The following SPOCK3 variants were observed in gnomAD, a reference collection of about 807,000 sequenced individuals.
SPOCK3 encodes the protein testican-3.
SPOCK3 carries 30 observed loss-of-function variants against 56.6 expected under a neutral mutation model. The observed-to-expected ratio is 0.53, with a 90% CI of 0.40 to 0.72. The LOEUF (loss-of-function observed/expected upper bound fraction) is 0.72. SPOCK3 is among the 30% of genes least tolerant of loss of function. The probability of loss-of-function intolerance (pLI) is 0.00; values close to 1 mark genes in which losing one functional copy is unlikely to be tolerated. For missense variants in SPOCK3, 527 were observed against 530.0 expected (o/e 0.99, Z 0.06); for synonymous variants, 196 against 183.3 (o/e 1.07, Z -0.56).
chr4:166,985,772 C>A (rs1215869543), intron 4 of SPOCK3, among the ~76,000 whole-genome samples: 1 of 152,062 alleles, frequency 6.6e-6, no homozygotes, highest in East Asian at 1.9e-4. Context: ...ATTATTTATT[C>A]TATGAAGCTA....
chr4:166,790,748 C>T (rs983919777), intron 7 of SPOCK3, among the ~76,000 whole-genome samples: 9 of 152,036 alleles, frequency 5.9e-5, no homozygotes, highest in South Asian at 2.1e-4. Flanking sequence ...TCTGGAAGTG[C>T]GCATCAGTCT....
intron 4 of SPOCK3, among the ~76,000 whole-genome samples, chr4:166,983,294 A>G (rs1454178958): frequency 6.6e-6 from 1 of 152,032 alleles, no homozygotes; most frequent in Non-Finnish European, 1.5e-5. Flanking sequence ...CTTGTTTACA[A>G]TTATTTTATA....
At chr4:167,063,907 T>C (rs2150249732) in intron 2 of SPOCK3, among the ~76,000 whole-genome samples, 1 of 152,028 alleles carries the variant, frequency 6.6e-6, no homozygotes. Flanking sequence ...AATCAACTGT[T>C]GATGGGCAGT....
chr4:166,871,751 T>C (rs6829213), intron 6 of SPOCK3, among the ~76,000 whole-genome samples: 2 of 150,800 alleles, frequency 1.3e-5, no homozygotes, highest in African/African-American at 4.9e-5. Flanking sequence ...TACAAGAAAA[T>C]TACAAACTAA....
chr4:166,919,131 A>G (rs930257074), intron 4 of SPOCK3, among the ~76,000 whole-genome samples: 1 of 152,198 alleles, frequency 6.6e-6, no homozygotes, highest in South Asian at 2.1e-4. Flanking sequence ...CCTTTATAGC[A>G]ACATAAACTA....
chr4:166,768,896 T>C (rs1037794637), intron 7 of SPOCK3, among the ~76,000 whole-genome samples: 8 of 152,176 alleles, frequency 5.3e-5, no homozygotes, highest in Non-Finnish European at 7.3e-5. Context: ...CTTTTTACCC[T>C]TTTTTCTCCA....
Position 167,191,421 on chromosome 4 carries a change from T to C in SPOCK3, c.189+42564A>G, listed in dbSNP as rs1421144788. Reference sequence around the variant, plus strand: ...ATTAAAATCTTCCAATCTACGAATATATCCATGGATTATCTTTTCATTTAT... The same window carrying C: ...ATTAAAATCTTCCAATCTACGAATACATCCATGGATTATCTTTTCATTTAT... On this transcript the variant is annotated intron_variant, in intron 2 of 10. Coordinates refer to ENST00000357545, the MANE Select transcript of SPOCK3 (RefSeq NM_001040159.2). Among the ~76,000 whole-genome samples the C allele has an allele frequency of 4.1e-5, 6 of 145,636 alleles. 2 individuals carry two copies. The highest frequency in any genetic ancestry group is 1.3e-4 in the African/African-American group (5 of 38,184).
intron 4 of SPOCK3, among the ~76,000 whole-genome samples, chr4:166,917,951 T>C (rs1738056442): frequency 6.6e-6 from 1 of 152,202 alleles, no homozygotes; most frequent in African/African-American, 2.4e-5. Context: ...AGATATTCTG[T>C]GGAATATCTC....
At chr4:167,166,928 G>A (rs1185026598) in intron 2 of SPOCK3, among the ~76,000 whole-genome samples, 1 of 152,088 alleles carries the variant, frequency 6.6e-6, no homozygotes, top group African/African-American at 2.4e-5. Flanking sequence ...TACACTTATA[G>A]TGGAGTTCCA....
chr4:166,950,893 C>T (rs1178834093), intron 4 of SPOCK3, among the ~76,000 whole-genome samples: 1 of 143,928 alleles, frequency 6.9e-6, no homozygotes, highest in African/African-American at 2.8e-5. Context: ...CCAACGAGAA[C>T]AAAGACACAA....
intron 2 of SPOCK3, among the ~76,000 whole-genome samples, chr4:167,183,260 T>C (rs534204919): frequency 2.7e-4 from 41 of 152,308 alleles, no homozygotes; most frequent in African/African-American, 9.4e-4. Context: ...TAATAAATGA[T>C]CATTGTTTTA....
intron 6 of SPOCK3, among the ~76,000 whole-genome samples, chr4:166,852,061 A>G (rs1730168476): frequency 6.7e-6 from 1 of 148,988 alleles, no homozygotes. Flanking sequence ...AAAACCAAAC[A>G]CCGCATATTC....
intron 2 of SPOCK3, among the ~76,000 whole-genome samples, chr4:167,154,110 C>T (rs893516979): frequency 3.3e-5 from 5 of 152,104 alleles, no homozygotes. Flanking sequence ...GGGTCCTTTA[C>T]AATCCCAAGT....
intron 2 of SPOCK3, among the ~76,000 whole-genome samples, chr4:167,088,683 T>C (rs1758427038): frequency 6.6e-6 from 1 of 152,014 alleles, no homozygotes; most frequent in South Asian, 2.1e-4. Flanking sequence ...CAGGATGGTC[T>C]CAATCTCTTG....
intron 2 of SPOCK3, 33 bp downstream of exon 2, chr4:167,233,952 G>C (rs1310840836): frequency 6.3e-6 from 10 of 1,589,188 alleles, no homozygotes; most frequent in African/African-American, 1.3e-5. Flanking sequence ...CAGCGCGCGC[G>C]TGTGCCCGGG....
At chr4:167,145,662 C>A (rs1763884268) in intron 2 of SPOCK3, among the ~76,000 whole-genome samples, 1 of 152,052 alleles carries the variant, frequency 6.6e-6, no homozygotes, top group African/African-American at 2.4e-5. Flanking sequence ...ATTCAACACT[C>A]TTAAAGAAAA....
At chr4:166,767,208 A>G (rs1738212843) in intron 7 of SPOCK3, among the ~76,000 whole-genome samples, 1 of 151,828 alleles carries the variant, frequency 6.6e-6, no homozygotes, top group African/African-American at 2.4e-5. Context: ...CTCTGATCTT[A>G]GTTATTTCTT....
intron 5 of SPOCK3, among the ~76,000 whole-genome samples, chr4:166,908,716 G>C (rs562249828): frequency 2.6e-5 from 4 of 151,892 alleles, no homozygotes; most frequent in Non-Finnish European, 5.9e-5. Flanking sequence ...AGTCTAAAAG[G>C]TTAATATTAT....
At chr4:166,804,766 G>A (rs1742976371) in intron 6 of SPOCK3, among the ~76,000 whole-genome samples, 1 of 152,052 alleles carries the variant, frequency 6.6e-6, no homozygotes, top group Admixed American at 6.6e-5. Flanking sequence ...AATTGATGAT[G>A]CTATGTCTAG....
Sources: gnomAD v4.1 joint callset for allele counts (sites outside exome capture counted in the v4.1 genomes callset) on GRCh38, gnomAD v4.1.1 for gene constraint, MANE v1.5 for transcripts, NCBI Gene and HGNC (gene_info 2026-07-23, HGNC 2026-07-21) for gene names.